Variants in ARHGAP26 observed in about 807,000 individuals in gnomAD.
ARHGAP26 encodes Rho GTPase activating protein 26, also known as rho GTPase-activating protein 26.
In ARHGAP26, 38 loss-of-function variants were observed where a neutral mutation model predicts 104.8. The observed-to-expected ratio is 0.36, with a 90% CI of 0.28 to 0.48. The LOEUF (loss-of-function observed/expected upper bound fraction) is 0.48. Among genes scored for constraint, ARHGAP26 ranks in the 20% least tolerant of loss-of-function variants. The pLI, the probability that ARHGAP26 is intolerant of heterozygous loss-of-function variation, is 0.99. For missense variants in ARHGAP26, 704 were observed against 947.9 expected, an observed-to-expected ratio of 0.74 and a Z score of 3.38; for synonymous variants, 341 against 340.0, an observed-to-expected ratio of 1.00 and a Z score of -0.03.
chr5:143,139,023 C>T (rs529134508), intron 19 of ARHGAP26, among the ~76,000 whole-genome samples: 3 of 152,244 alleles, frequency 2.0e-5, no homozygotes, highest in East Asian at 3.9e-4. Flanking sequence ...ACCTAGTCCG[C>T]GAACTCTTCC....
At chr5:143,062,519 GTTTTTTTTTTT>G (rs57175122) in intron 17 of ARHGAP26, among the ~76,000 whole-genome samples, 1 of 124,042 alleles carries the variant, frequency 8.1e-6, no homozygotes, top group African/African-American at 3.0e-5. Flanking sequence ...TGTAGCTTGG[GTTTTTTTTTTT>G]TTTTTTTTGG....
chr5:143,141,231 A>G (rs1439779585), intron 19 of ARHGAP26, among the ~76,000 whole-genome samples: 1 of 152,278 alleles, frequency 6.6e-6, no homozygotes, highest in African/African-American at 2.4e-5. Flanking sequence ...GTGGCAGGAA[A>G]AAAGTTCCAG....
chr5:143,188,555 G>A (rs1382602413), intron 20 of ARHGAP26, among the ~76,000 whole-genome samples: 2 of 152,186 alleles, frequency 1.3e-5, no homozygotes, highest in Non-Finnish European at 2.9e-5. Context: ...GTACCATTTT[G>A]TCATGATAAG....
chr5:143,123,329 T>A (rs893518257), intron 18 of ARHGAP26, among the ~76,000 whole-genome samples: 1 of 152,276 alleles, frequency 6.6e-6, no homozygotes, highest in African/African-American at 2.4e-5. Context: ...TCACTGTAGC[T>A]TCAGGCCTAG....
At chr5:142,965,776 A>C (rs1598417939) in intron 11 of ARHGAP26, among the ~76,000 whole-genome samples, 1 of 152,194 alleles carries the variant, frequency 6.6e-6, no homozygotes, top group Non-Finnish European at 1.5e-5. Context: ...TGCCGCCCAC[A>C]GTAGCCTAGG....
intron 20 of ARHGAP26, among the ~76,000 whole-genome samples, chr5:143,195,908 A>C (rs1371995144): frequency 3.3e-5 from 5 of 152,014 alleles, no homozygotes; most frequent in African/African-American, 9.7e-5. Context: ...TGCGTATGGG[A>C]ACAAGGGATA....
intron 10 of ARHGAP26, 47 bp from the exon 11 acceptor site, chr5:142,932,000 C>G (rs918783709): frequency 1.3e-6 from 2 of 1,561,786 alleles, no homozygotes; most frequent in Non-Finnish European, 8.8e-7. Context: ...ACCAATCTCT[C>G]TACATGTGGC....
chr5:143,176,607 G>A (rs573028790), intron 20 of ARHGAP26, among the ~76,000 whole-genome samples: 9 of 152,094 alleles, frequency 5.9e-5, no homozygotes, highest in African/African-American at 1.9e-4. Flanking sequence ...ATTTACCTTC[G>A]CCCCAGGGTA....
chr5:142,838,927 A>G (rs1770164313), intron 1 of ARHGAP26, among the ~76,000 whole-genome samples: 1 of 152,212 alleles, frequency 6.6e-6, no homozygotes, highest in South Asian at 2.1e-4. Flanking sequence ...TGGTCTTTTT[A>G]TGCCATCATG....
chr5:143,125,343 A>G (rs558051788), intron 18 of ARHGAP26, among the ~76,000 whole-genome samples: 9 of 152,268 alleles, frequency 5.9e-5, no homozygotes, highest in African/African-American at 2.2e-4. Flanking sequence ...CATCCTCAAG[A>G]TAGTACCTGC....
chr5:143,054,431 C>A lies in ARHGAP26; in HGVS notation c.1286-8C>A, dbSNP rs766299888. 1.9e-6 allele frequency: 3 copies of A among 1,600,878 alleles called. No homozygotes were observed. The highest frequency in any genetic ancestry group is 1.3e-5 in the African/African-American group (1 of 74,400). On this transcript the variant is annotated splice_region_variant and splice_polypyrimidine_tract_variant and intron_variant, in intron 14 of 22. Transcript: ENST00000645722. ...TGTGCTTTATGTATTGTCTTTTCTT[C>A]ATTTTAGACCCCAAGACTGCTTCTG...
chr5:143,197,826 T>C (rs1246900023), intron 20 of ARHGAP26, among the ~76,000 whole-genome samples: 1 of 152,198 alleles, frequency 6.6e-6, no homozygotes, highest in East Asian at 1.9e-4. Context: ...GGTAGGGGAT[T>C]CTGTCATTTT....
chr5:142,963,384 A>T (rs752080963), intron 11 of ARHGAP26, among the ~76,000 whole-genome samples: 3 of 151,736 alleles, frequency 2.0e-5, no homozygotes, highest in Non-Finnish European at 4.4e-5. Context: ...CAGTAATGGG[A>T]TTGCTGGATC....
chr5:143,034,731 A>G (rs182110620), intron 12 of ARHGAP26, among the ~76,000 whole-genome samples: 2 of 152,270 alleles, frequency 1.3e-5, no homozygotes, highest in East Asian at 3.8e-4. Context: ...AACTTATGGT[A>G]TATGAAGTAT....
chr5:143,009,016 T>A (rs1164538484), intron 11 of ARHGAP26, among the ~76,000 whole-genome samples: 1 of 152,174 alleles, frequency 6.6e-6, no homozygotes, highest in Non-Finnish European at 1.5e-5. Flanking sequence ...TCATTGCAGC[T>A]TCTGGGTAAG....
rs1421349210 is a variant in ARHGAP26, at chr5:142,770,737, C to T, written c.-25C>T. On this transcript the variant is annotated 5_prime_UTR_variant, in exon 1 of 23. Coordinates refer to ENST00000645722, the MANE Select transcript of ARHGAP26 (RefSeq NM_001135608.3). ...GGCCCGGGCCCCGGCGGAGGCGCGC[C>T]CCCCGGCTGGGCGCCGCGCGCACCA... is the stretch of plus-strand genomic sequence containing the variant. The T allele has an allele frequency of 7.7e-7, 1 of 1,293,166 alleles. No individual in the cohort carries two copies. Among genetic ancestry groups the T allele is most frequent in the Non-Finnish European group, 9.9e-7 (1 of 1,007,830 alleles). The allele number at this position is 1,293,166 out of a possible 1,614,324, so 80.1% of individuals were successfully genotyped here. A position where few individuals can be genotyped will look rare whatever the true frequency, so the allele number is the denominator to read the frequency against.
rs3776261 is a variant in ARHGAP26 at position 143,158,411 on chromosome 5, G to A, written c.1988+11030G>A. Among the ~76,000 whole-genome samples the A allele has an allele frequency of 9.5e-4, 144 of 152,220 alleles. 2 individuals are homozygous for A. In the East Asian group the frequency reaches 0.023, roughly 24 times the overall value. ...AAGCCCCCTACCCTATTGTTCCTCC[G>A]TTGGGTGGAGCCAACTGGAAACTAC... On this transcript the variant is annotated intron_variant, in intron 20 of 22. Transcript: ENST00000645722.
chr5:143,074,374 T>C (rs1788691867), intron 17 of ARHGAP26, among the ~76,000 whole-genome samples: 2 of 152,234 alleles, frequency 1.3e-5, no homozygotes, highest in African/African-American at 4.8e-5. Context: ...TATTTCAGTC[T>C]GTCTGGTATC....
chr5:142,900,874 G>A (rs557625977), intron 6 of ARHGAP26, among the ~76,000 whole-genome samples: 87 of 152,300 alleles, frequency 5.7e-4, no homozygotes, highest in African/African-American at 2.1e-3. Flanking sequence ...GGACCCCTCA[G>A]AAAATGTGGG....
Sources: allele counts gnomAD v4.1 joint callset (sites outside exome capture counted in the v4.1 genomes callset), GRCh38; gene constraint gnomAD v4.1.1; transcripts MANE v1.5; gene names NCBI Gene and HGNC (gene_info 2026-07-23, HGNC 2026-07-21).